CAPN8: variants seen among roughly 807,000 people sequenced by gnomAD.
CAPN8 encodes the protein calpain 8.
CAPN8 carries 87 observed loss-of-function variants against 80.9 expected under a neutral mutation model. That is an observed-to-expected ratio of 1.07 (90% confidence interval 0.90 to 1.28). The LOEUF (loss-of-function observed/expected upper bound fraction) is 1.28, where lower values mean the gene tolerates loss of function less well. Ranked by LOEUF, CAPN8 falls within the 50% of genes most tolerant of loss-of-function variation. The pLI is 0.00. For missense variants in CAPN8, 757 were observed against 702.0 expected (o/e 1.08, Z -0.89); for synonymous variants, 299 against 273.8 (o/e 1.09, Z -0.91).
intron 6 of CAPN8, among the ~76,000 whole-genome samples, chr1:223,624,324 A>G (rs1166051802): frequency 6.6e-6 from 1 of 152,212 alleles, no homozygotes; most frequent in Non-Finnish European, 1.5e-5. Context: ...CCCAAAGCAA[A>G]ATTAATTTCT....
intron 4 of CAPN8, among the ~76,000 whole-genome samples, chr1:223,627,388 A>T (rs1439601961): frequency 6.6e-6 from 1 of 152,108 alleles, no homozygotes; most frequent in East Asian, 1.9e-4. Flanking sequence ...CCCCTCCTTT[A>T]CAAAGCCAAG....
At chr1:223,612,704 C>G (rs567641391) in intron 10 of CAPN8, among the ~76,000 whole-genome samples, 7 of 152,122 alleles carry the variant, frequency 4.6e-5, no homozygotes, top group Non-Finnish European at 1.0e-4. Flanking sequence ...GGTTCAAGAA[C>G]AGGCACATGA....
chr1:223,612,194 C>A lies in CAPN8; in HGVS notation c.1323+52G>T, dbSNP rs1657045458. ...CGCTGCTGGCTGCCCATCCTGAAGG[C>A]AGCCAAGCTATTTCTCACCAAAGGA... On this transcript the variant is annotated intron_variant, in intron 11 of 20. Coordinates refer to ENST00000366872, the MANE Select transcript of CAPN8 (RefSeq NM_001143962.2). The A allele has an allele frequency of 6.5e-6, 8 of 1,232,542 alleles. 1 individual carries two copies. The East Asian group carries it at 2.2e-4, about 34-fold the overall frequency. The allele number at this position is 1,232,542 out of a possible 1,614,324, so 76.4% of individuals were successfully genotyped here.
chr1:223,628,167 G>A, intron 3 of CAPN8, 25 bp from the exon 4 acceptor site: 1 of 1,526,956 alleles, frequency 6.5e-7, no homozygotes, highest in South Asian at 1.2e-5. Flanking sequence ...CACAGCGGCT[G>A]CTCACATGAA....
At chr1:223,633,371 G>A (rs923246827) in intron 2 of CAPN8, among the ~76,000 whole-genome samples, 6 of 150,406 alleles carry the variant, frequency 4.0e-5, no homozygotes, top group Non-Finnish European at 2.9e-5. Flanking sequence ...GTCCCAAAAC[G>A]GAGACTATAA....
intron 6 of CAPN8, among the ~76,000 whole-genome samples, chr1:223,624,130 T>A (rs1165055184): frequency 6.6e-6 from 1 of 152,032 alleles, no homozygotes; most frequent in African/African-American, 2.4e-5. Flanking sequence ...TAGGCAGGAG[T>A]GAAGTGGTGC....
At chr1:223,641,697 TC>T (rs796607739) in intron 2 of CAPN8, among the ~76,000 whole-genome samples, 19 of 152,258 alleles carry the variant, frequency 1.2e-4, no homozygotes, top group African/African-American at 3.6e-4. Context: ...ACTTTGCAAG[TC>T]CCCGCCCCAG....
At chr1:223,647,826 A>G (rs181375850) in intron 2 of CAPN8, among the ~76,000 whole-genome samples, 29 of 152,322 alleles carry the variant, frequency 1.9e-4, no homozygotes, top group Admixed American at 1.8e-3. Context: ...TAATGTCATG[A>G]ACAAAAGATT....
intron 10 of CAPN8, among the ~76,000 whole-genome samples, chr1:223,613,395 C>A (rs556324700): frequency 3.3e-5 from 5 of 152,318 alleles, no homozygotes; most frequent in East Asian, 3.9e-4. Context: ...CTTTACACAC[C>A]CTTGGCAGGG....
intron 11 of CAPN8, among the ~76,000 whole-genome samples, chr1:223,611,476 T>G (rs1376189555): frequency 6.6e-6 from 1 of 152,214 alleles, no homozygotes; most frequent in Admixed American, 6.5e-5. Flanking sequence ...TAAATATGAG[T>G]GTGGACCTGC....
In CAPN8 at chr1:223,622,797, C is replaced by A; in HGVS notation, c.899+18G>T. Reference sequence around the variant, plus strand: ...GCAGAGGGAGAGATGACTGGAGAAGCGGGGGAAAAAAACCTACTCATCGCT... The same window carrying A: ...GCAGAGGGAGAGATGACTGGAGAAGAGGGGGAAAAAAACCTACTCATCGCT... On this transcript the variant is annotated intron_variant, in intron 7 of 20. Transcript: ENST00000366872. 1 of 1,545,108 alleles carries A rather than the reference C, an allele frequency of 6.5e-7. No homozygotes were observed. Among genetic ancestry groups the A allele is most frequent in the Non-Finnish European group, 8.8e-7 (1 of 1,141,030 alleles).
chr1:223,612,206 T>A, intron 11 of CAPN8, 40 bp downstream of exon 11: 1 of 1,234,010 alleles, frequency 8.1e-7, no homozygotes, highest in South Asian at 4.1e-5. Context: ...GCCAAGCTAT[T>A]TCTCACCAAA....
intron 1 of CAPN8, among the ~76,000 whole-genome samples, chr1:223,656,927 G>A (rs536938340): frequency 9.0e-4 from 136 of 151,858 alleles, no homozygotes; most frequent in Non-Finnish European, 1.3e-3. Flanking sequence ...CTCGTGATCC[G>A]CCCGCCTCGG....
At chr1:223,612,324 C>T (rs1657049429) in intron 10 of CAPN8, 67 bp from the exon 11 acceptor site, 11 of 1,223,830 alleles carry the variant, frequency 9.0e-6, no homozygotes, top group Non-Finnish European at 1.1e-5. Flanking sequence ...TCCTTTTCCT[C>T]TCTCCCTATG....
intron 2 of CAPN8, among the ~76,000 whole-genome samples, chr1:223,651,292 T>A (rs1658337134): frequency 6.6e-6 from 1 of 152,232 alleles, no homozygotes; most frequent in South Asian, 2.1e-4. Flanking sequence ...ACAAAGGATT[T>A]ACTCATTTAA....
At chr1:223,657,491 G>A (rs558890388) in intron 1 of CAPN8, among the ~76,000 whole-genome samples, 1 of 152,158 alleles carries the variant, frequency 6.6e-6, no homozygotes, top group African/African-American at 2.4e-5. Flanking sequence ...TCTTGGCTGG[G>A]CATGGTGACT....
chr1:223,644,314 A>T (rs1571730935), intron 2 of CAPN8: 1 of 219,946 alleles, frequency 4.5e-6, no homozygotes, highest in East Asian at 1.1e-4. Context: ...TTTTGTAAGA[A>T]TCTGTAGGTG....
chr1:223,612,641 G>A (rs1234969019), intron 10 of CAPN8, among the ~76,000 whole-genome samples: 1 of 152,068 alleles, frequency 6.6e-6, no homozygotes, highest in Non-Finnish European at 1.5e-5. Context: ...CAGAGTGGGG[G>A]AATCTCACTC....
chr1:223,550,253 G>A (rs1053714705), intron 15 of CAPN8, among the ~76,000 whole-genome samples: 2 of 152,188 alleles, frequency 1.3e-5, no homozygotes, highest in Non-Finnish European at 2.9e-5. Flanking sequence ...GGATCCATCT[G>A]CTCAGCCCTG....
Sources: gnomAD v4.1 joint callset for allele counts (sites outside exome capture counted in the v4.1 genomes callset) on GRCh38, gnomAD v4.1.1 for gene constraint, MANE v1.5 for transcripts, NCBI Gene and HGNC (gene_info 2026-07-23, HGNC 2026-07-21) for gene names.